MYPN: variants seen among roughly 807,000 people sequenced by gnomAD.
The protein encoded by MYPN is sarcomeric protein myopalladin, 145 kDa (MYOP).
A neutral mutation model predicts 129.4 loss-of-function variants in MYPN; 63 were observed. That is an observed-to-expected ratio of 0.49 (90% confidence interval 0.40 to 0.60). The LOEUF (loss-of-function observed/expected upper bound fraction) is 0.60, where lower values mean the gene tolerates loss of function less well. MYPN is among the 20% of genes least tolerant of loss of function. The pLI, the probability that MYPN is intolerant of heterozygous loss-of-function variation, is 0.00. For missense variants in MYPN, 1,596 were observed against 1,635.4 expected (o/e 0.98, Z 0.42); for synonymous variants, 629 against 600.9 (o/e 1.05, Z -0.68).
In MYPN at chr10:68,157,670, CA is replaced by C. The variant is rs71009010; in HGVS notation, c.1318-794del. 1.0e-2 allele frequency among the ~76,000 whole-genome samples: 845 copies of C among 84,864 alleles called. 11 individuals carry two copies. Among genetic ancestry groups the C allele is most frequent in the African/African-American group, 0.034 (691 of 20,214 alleles). The allele number at this position is 84,864 out of a possible 152,430, so 55.7% of individuals were successfully genotyped here. The stretch of plus-strand genomic sequence containing the variant: ...GCAACATGGCAAAACCCTGTCTCTA[CA>C]AAAAAAAAAAAAAAAAAAAAATTAG... On this transcript the variant is annotated intron_variant, in intron 6 of 19. Transcript: ENST00000358913.
intron 13 of MYPN, among the ~76,000 whole-genome samples, chr10:68,190,225 C>T (rs1211324126): frequency 6.6e-6 from 1 of 152,252 alleles, no homozygotes; most frequent in African/African-American, 2.4e-5. Flanking sequence ...CTCACTCTGT[C>T]GCCCAGGCTG....
chr10:68,192,964 C>T (rs1211866376), intron 13 of MYPN, among the ~76,000 whole-genome samples: 2 of 151,704 alleles, frequency 1.3e-5, no homozygotes, highest in Non-Finnish European at 2.9e-5. Context: ...TTTAAAACAC[C>T]AACTTTTCAT....
chr10:68,130,320 C>T (rs1170310909), intron 2 of MYPN, among the ~76,000 whole-genome samples: 1 of 152,032 alleles, frequency 6.6e-6, no homozygotes, highest in Admixed American at 6.6e-5. Context: ...ATTAGCCAGG[C>T]GTGGTGGCGG....
chr10:68,191,216 CT>C (rs56335317), intron 13 of MYPN, among the ~76,000 whole-genome samples: 126 of 144,342 alleles, frequency 8.7e-4, no homozygotes, highest in African/African-American at 3.1e-3. Context: ...TTTTCTATTT[CT>C]TTTTTTTTTT....
intron 3 of MYPN, among the ~76,000 whole-genome samples, chr10:68,143,694 T>G (rs745463574): frequency 4.6e-4 from 70 of 152,250 alleles, no homozygotes; most frequent in Admixed American, 1.6e-3. Flanking sequence ...AGATGAGAAG[T>G]TCTGGAGCAT....
rs760684177 is a variant in MYPN, at chr10:68,210,995, G to A, written c.*540G>A. 12 of 454,032 alleles carry A rather than the reference G, an allele frequency of 2.6e-5. No homozygotes were observed. The highest frequency in any genetic ancestry group is 4.7e-5 in the Admixed American group (2 of 42,560). 28.1% of individuals were successfully genotyped at this position (454,032 alleles called of 1,614,324 possible). A position where few individuals can be genotyped will look rare whatever the true frequency, so the allele number is the denominator to read the frequency against. ...GTCATGCCATACAACTCACGTATGC[G>A]GGCAAACACTTTTGATTTGCATATC... On this transcript the variant is annotated 3_prime_UTR_variant, in exon 20 of 20. Transcript: ENST00000358913.
chr10:68,153,060 A>T (rs928232180), intron 6 of MYPN, among the ~76,000 whole-genome samples: 1 of 151,688 alleles, frequency 6.6e-6, no homozygotes, highest in African/African-American at 2.4e-5. Flanking sequence ...ATCTTGGCTC[A>T]GTGCAACCTT....
At chr10:68,098,257 T>A (rs1357324127) in intron 1 of MYPN, among the ~76,000 whole-genome samples, 1 of 151,906 alleles carries the variant, frequency 6.6e-6, no homozygotes, top group South Asian at 2.1e-4. Flanking sequence ...AAAAAAAAGA[T>A]CTCAATTTTA....
At chr10:68,134,964 T>G (rs1407734302) in intron 2 of MYPN, among the ~76,000 whole-genome samples, 1 of 151,820 alleles carries the variant, frequency 6.6e-6, no homozygotes, top group African/African-American at 2.4e-5. Flanking sequence ...ATTTTATTAT[T>G]TTTTTTGAAA....
intron 2 of MYPN, among the ~76,000 whole-genome samples, chr10:68,140,133 T>G (rs2042553424): frequency 6.6e-6 from 1 of 152,094 alleles, no homozygotes; most frequent in Admixed American, 6.6e-5. Context: ...GGAGGAGGGT[T>G]TCAGGCAGTG....
At chr10:68,169,029 T>C (rs2043099382) in intron 10 of MYPN, among the ~76,000 whole-genome samples, 1 of 141,740 alleles carries the variant, frequency 7.1e-6, no homozygotes, top group Admixed American at 7.2e-5. Context: ...AAGACCTGTT[T>C]CATGAGATTT....
intron 2 of MYPN, among the ~76,000 whole-genome samples, chr10:68,142,376 T>C (rs1186996305): frequency 3.3e-5 from 5 of 152,108 alleles, no homozygotes; most frequent in Non-Finnish European, 7.3e-5. Flanking sequence ...TAAAAGAAAA[T>C]ATCATAACCT....
intron 2 of MYPN, among the ~76,000 whole-genome samples, chr10:68,126,452 G>A (rs80341534): frequency 0.014 from 2,059 of 152,244 alleles, 51 homozygotes; most frequent in East Asian, 0.095. Flanking sequence ...AGGATTTAAG[G>A]ATAATTAATC....
intron 1 of MYPN, among the ~76,000 whole-genome samples, chr10:68,093,404 G>A (rs912036627): frequency 6.6e-6 from 1 of 151,922 alleles, no homozygotes; most frequent in Admixed American, 6.6e-5. Flanking sequence ...AAGAATTCAG[G>A]GCAAGTCCAT....
rs2043238955 is a variant in MYPN, at chr10:68,177,100, G to GTA, written c.2703+1640_2703+1641dup. ...TTGATTTTACTTTTATAGTTACTCTGTAGGTAGATCCAGGATACCCCATTG... is the reference window on the plus strand; with the variant it reads ...TTGATTTTACTTTTATAGTTACTCTGTATAGGTAGATCCAGGATACCCCATTG... On this transcript the variant is annotated intron_variant, in intron 12 of 19. Coordinates refer to ENST00000358913, the MANE Select transcript of MYPN (RefSeq NM_032578.4). 2.6e-5 allele frequency among the ~76,000 whole-genome samples: 4 copies of GTA among 152,146 alleles called. No homozygotes were observed. The South Asian group carries it at 8.3e-4, about 32-fold the overall frequency.
At chr10:68,134,356 TCAGA>T (rs2042453750) in intron 2 of MYPN, among the ~76,000 whole-genome samples, 2 of 152,098 alleles carry the variant, frequency 1.3e-5, no homozygotes, top group African/African-American at 4.8e-5. Flanking sequence ...ATAAGTACTA[TCAGA>T]CAAAGAAAAA....
chr10:68,135,685 C>G lies in MYPN; in HGVS notation c.903-7255C>G, dbSNP rs367656825. Among the ~76,000 whole-genome samples, 90 of 152,210 alleles carry G rather than the reference C, an allele frequency of 5.9e-4. 2 individuals are homozygous for G. In the East Asian group the frequency reaches 0.012, roughly 20 times the overall value. On this transcript the variant is annotated intron_variant, in intron 2 of 19. Coordinates refer to ENST00000358913, the MANE Select transcript of MYPN (RefSeq NM_032578.4). ...TGAAAAAAACTTGAGGCTATAATGACCCTAGTTGAGTTATTCAGTTAACAT... is the reference window on the plus strand; with the variant it reads ...TGAAAAAAACTTGAGGCTATAATGAGCCTAGTTGAGTTATTCAGTTAACAT...
At chr10:68,169,181 T>TAAAAAAAAAAAAAAAAAAAAAAAAA (rs59317396) in intron 10 of MYPN, among the ~76,000 whole-genome samples, 2 of 91,072 alleles carry the variant, frequency 2.2e-5, no homozygotes, top group African/African-American at 1.3e-4. Flanking sequence ...CCGTCTCTAC[T>TAAAAAAAAAAAAAAAAAAAAAAAAA]AAAAAAAAAA....
intron 6 of MYPN, among the ~76,000 whole-genome samples, chr10:68,152,187 T>C (rs2042782301): frequency 6.6e-6 from 1 of 152,210 alleles, no homozygotes; most frequent in African/African-American, 2.4e-5. Context: ...GGTTTTATCA[T>C]GCAGATGAAG....
Sources: allele counts gnomAD v4.1 joint callset (sites outside exome capture counted in the v4.1 genomes callset), GRCh38; gene constraint gnomAD v4.1.1; transcripts MANE v1.5; gene names NCBI Gene and HGNC (gene_info 2026-07-23, HGNC 2026-07-21).